Variants in IL3RA observed in about 807,000 individuals in gnomAD.
IL3RA encodes interleukin 3 receptor subunit alpha, also known as interleukin-3 receptor subunit alpha.
IL3RA carries 73 observed loss-of-function variants against 52.3 expected under a neutral mutation model. The ratio of observed to expected loss-of-function variants is 1.40; its 90% CI spans 1.16 to 1.70. The LOEUF (loss-of-function observed/expected upper bound fraction) is 1.70, where lower values mean the gene tolerates loss of function less well. Among genes scored for constraint, IL3RA ranks in the 40% most tolerant of loss-of-function variants. IL3RA has a pLI of 0.00. For missense variants in IL3RA, 664 were observed against 504.4 expected (o/e 1.32, Z -3.03); for synonymous variants, 260 against 194.0 (o/e 1.34, Z -2.83).
intron 8 of IL3RA, among the ~76,000 whole-genome samples, chrX:1,359,667 T>C (rs1344354275): frequency 6.6e-6 from 1 of 150,712 alleles, no homozygotes; most frequent in Non-Finnish European, 1.5e-5. Flanking sequence ...TATCTCCCGC[T>C]CCGTGTCTGT....
intron 4 of IL3RA, 79 bp downstream of exon 4, chrX:1,348,624 GTCT>G: frequency 1.1e-6 from 1 of 879,636 alleles, no homozygotes; most frequent in South Asian, 1.6e-5. Context: ...CCTTCGCTGT[GTCT>G]TTTTTCTTTT....
chrX:1,348,700 C>G lies in IL3RA; in HGVS notation c.298+155C>G, dbSNP rs867515854. On this transcript the variant is annotated intron_variant, in intron 4 of 11. Coordinates refer to ENST00000331035, the MANE Select transcript of IL3RA (RefSeq NM_002183.4). ...TTTCTTTCTTTCTTTCTTTTTCTTT[C>G]TTTCTGTTTCTGTTTCTTTCTTCCT... Among the ~76,000 whole-genome samples, 92 of 98,164 alleles carry G rather than the reference C, an allele frequency of 9.4e-4. 3 individuals are homozygous for G. The East Asian group carries it at 0.013, about 14-fold the overall frequency. The allele number at this position is 98,164 out of a possible 152,430, so 64.4% of individuals were successfully genotyped here.
chrX:1,362,462 T>C (rs2087519215), intron 8 of IL3RA, among the ~76,000 whole-genome samples: 1 of 149,330 alleles, frequency 6.7e-6, no homozygotes, highest in Non-Finnish European at 1.5e-5. Context: ...CTCTCTCTGT[T>C]TCTATCTGTC....
At chrX:1,347,779 C>G (rs1229424339) in intron 3 of IL3RA, among the ~76,000 whole-genome samples, 4 of 151,978 alleles carry the variant, frequency 2.6e-5, no homozygotes, top group Admixed American at 1.3e-4. Flanking sequence ...TGGCTCACGC[C>G]TGTCATCCCA....
rs141873872 is a variant in IL3RA, at chrX:1,348,474, G to C, written c.227G>C (p.Cys76Ser). ...SYCQFGAISL[C>S]EVTNYTVRVA... ...TGCCAGTTTGGAGCAATTTCCTTAT[G>C]TGAAGTGACCAACTACACCGTCCGA... The change falls in exon 4 of 12, where the codon TGT (cysteine) becomes TCT (serine). Residue 76 changes from cysteine to serine, a missense_variant. Transcript: ENST00000331035. The C allele has an allele frequency of 1.2e-5, 20 of 1,613,760 alleles. No homozygotes were observed. Among genetic ancestry groups the C allele is most frequent in the Non-Finnish European group, 1.5e-5 (18 of 1,179,856 alleles).
intron 2 of IL3RA, among the ~76,000 whole-genome samples, chrX:1,342,704 G>A (rs1264477510): frequency 6.6e-6 from 1 of 150,950 alleles, no homozygotes. Flanking sequence ...GGGATTACAG[G>A]TGTCCGCCAC....
intron 4 of IL3RA, among the ~76,000 whole-genome samples, chrX:1,349,844 G>A (rs1195850928): frequency 4.6e-5 from 7 of 151,210 alleles, no homozygotes; most frequent in Admixed American, 1.3e-4. Context: ...TGTATTTTAA[G>A]TAGAGACGGG....
At chrX:1,347,396 G>C (rs1426754156) in intron 3 of IL3RA, among the ~76,000 whole-genome samples, 1 of 151,430 alleles carries the variant, frequency 6.6e-6, no homozygotes, top group Admixed American at 6.6e-5. Flanking sequence ...AGTGAGCCGA[G>C]ATCGCGCCAC....
chrX:1,352,369 G>T lies in IL3RA; in HGVS notation c.479G>T (p.Gly160Val). Residue 160 changes from glycine (G) to valine (V), a missense_variant, in exon 6 of 12, where the codon GGA becomes GTA. Transcript: ENST00000331035. ...ECLHYKTDAQ[G>V]TRIGCRFDDI... The stretch of plus-strand genomic sequence containing the variant: ...CTTCACTACAAAACGGATGCTCAGG[G>T]AACACGTATCGGGTGTCGTTTCGAT... 5 of 1,613,900 alleles carry T rather than the reference G, an allele frequency of 3.1e-6. No homozygotes were observed. Among genetic ancestry groups the T allele is most frequent in the African/African-American group, 1.3e-5 (1 of 75,062 alleles).
At chrX:1,356,148 A>C in intron 6 of IL3RA, 73 bp from the exon 7 acceptor site, 1 of 1,004,690 alleles carries the variant, frequency 1.0e-6, no homozygotes. Context: ...TATCTCCAGA[A>C]AAAAAAAGAG....
rs369437856 is a variant in IL3RA at position 1,350,619 on chromosome X, C to T, written c.299-1481C>T. 3.8e-4 allele frequency among the ~76,000 whole-genome samples: 55 copies of T among 143,116 alleles called. 2 individuals are homozygous for T. In the East Asian group the frequency reaches 0.01, roughly 27 times the overall value. The allele number at this position is 143,116 out of a possible 152,430, so 93.9% of individuals were successfully genotyped here. Reference sequence around the variant, plus strand: ...AAAAAAAAAATTAAAAAGAAATTAGCGGCCGGGCCCAGTGGCTCACACCTG... The same window carrying T: ...AAAAAAAAAATTAAAAAGAAATTAGTGGCCGGGCCCAGTGGCTCACACCTG... On this transcript the variant is annotated intron_variant, in intron 4 of 11. Coordinates refer to ENST00000331035, the MANE Select transcript of IL3RA (RefSeq NM_002183.4).
At chrX:1,380,845 TATG>T (rs1264428295) in intron 10 of IL3RA, among the ~76,000 whole-genome samples, 175 bp from the exon 11 acceptor site, 3 of 151,336 alleles carry the variant, frequency 2.0e-5, no homozygotes, top group Admixed American at 2.0e-4. Flanking sequence ...AGCGCCTGCC[TATG>T]ATGATGGTCG....
intron 9 of IL3RA, among the ~76,000 whole-genome samples, chrX:1,368,611 T>G (rs780486094): frequency 6.6e-6 from 1 of 151,988 alleles, no homozygotes; most frequent in Non-Finnish European, 1.5e-5. Context: ...TAAGGTAAAA[T>G]GAGGTCATTA....
At chrX:1,361,755 GAAAAAAAAAAAA>G (rs1156722120) in intron 8 of IL3RA, among the ~76,000 whole-genome samples, 2 of 81,766 alleles carry the variant, frequency 2.4e-5, no homozygotes, top group Non-Finnish European at 4.6e-5. Flanking sequence ...TCCGTCTCGA[GAAAAAAAAAAAA>G]AAAAAAAAAA....
intron 10 of IL3RA, among the ~76,000 whole-genome samples, chrX:1,379,108 G>T (rs1474598120): frequency 6.6e-6 from 1 of 152,046 alleles, no homozygotes; most frequent in Non-Finnish European, 1.5e-5. Flanking sequence ...CTCCTAAAGT[G>T]CTGGGATTAC....
chrX:1,349,693 G>C (rs1195203652), intron 4 of IL3RA, among the ~76,000 whole-genome samples: 17 of 151,316 alleles, frequency 1.1e-4, no homozygotes, highest in Non-Finnish European at 8.8e-5. Flanking sequence ...ATGGAGTCTT[G>C]TTCTTGTCGC....
chrX:1,378,044 G>A (rs1410807000), intron 9 of IL3RA, among the ~76,000 whole-genome samples: 4 of 151,100 alleles, frequency 2.6e-5, no homozygotes, highest in Non-Finnish European at 5.9e-5. Context: ...AAATTACCCG[G>A]GCGTGGTGGC....
chrX:1,360,549 T>G (rs35666300), intron 8 of IL3RA, among the ~76,000 whole-genome samples: 27,190 of 151,752 alleles, frequency 0.18, 6,131 homozygotes, highest in African/African-American at 0.53. Flanking sequence ...ACGGAGTTTT[T>G]CTCTTGTTGC....
intron 9 of IL3RA, among the ~76,000 whole-genome samples, chrX:1,377,535 G>C (rs1335508507): frequency 6.6e-6 from 1 of 151,956 alleles, no homozygotes; most frequent in Non-Finnish European, 1.5e-5. Flanking sequence ...GAGCCACCGC[G>C]CCCGGCCAAA....
Sources: allele counts gnomAD v4.1 joint callset (sites outside exome capture counted in the v4.1 genomes callset), GRCh38; gene constraint gnomAD v4.1.1; transcripts MANE v1.5; gene names NCBI Gene and HGNC (gene_info 2026-07-23, HGNC 2026-07-21).